GMEB2: variants seen among roughly 807,000 people sequenced by gnomAD.
The protein encoded by GMEB2 is glucocorticoid modulatory element binding protein 2.
GMEB2 carries 7 observed loss-of-function variants against 45.7 expected under a neutral mutation model. The ratio of observed to expected loss-of-function variants is 0.15; its 90% confidence interval spans 0.09 to 0.29. GMEB2 has a LOEUF of 0.29. Ranked by LOEUF, GMEB2 falls within the 10% of genes least tolerant of loss-of-function variation. GMEB2 has a pLI of 1.00. For missense variants in GMEB2, 582 were observed against 739.2 expected, an observed-to-expected ratio of 0.79 and a Z score of 2.47; for synonymous variants, 322 against 323.6, an observed-to-expected ratio of 1.00 and a Z score of 0.05.
chr20:63,619,219 C>G lies in GMEB2; in HGVS notation c.131+48G>C. 6.6e-7 allele frequency: 1 copy of G among 1,520,428 alleles called. No individual in the cohort carries two copies. The highest frequency in any genetic ancestry group is 8.8e-7 in the Non-Finnish European group (1 of 1,134,332). 94.2% of individuals were successfully genotyped at this position (1,520,428 alleles called of 1,614,324 possible). ...TAATGCCAGCTGTGCCAAGGACAGC[C>G]CAACCCAAGCCCCCATCAGCCCCAA... On this transcript the variant is annotated intron_variant, in intron 2 of 9. Coordinates refer to ENST00000370077, the MANE Select transcript of GMEB2 (RefSeq NM_012384.5). This position sits in a 1 kb window ranked among gnomAD's most constrained non-coding sequence, Gnocchi z 4.6.
chr20:63,625,798 G>C (rs943082369), intron 1 of GMEB2, among the ~76,000 whole-genome samples: 8 of 151,638 alleles, frequency 5.3e-5, no homozygotes, highest in Non-Finnish European at 1.2e-4. Context: ...GGGTTTCACC[G>C]TGTTAGCCAG....
intron 4 of GMEB2, among the ~76,000 whole-genome samples, chr20:63,599,230 A>ACGCGGCCCG (rs2083223756): frequency 1.3e-5 from 2 of 151,462 alleles, no homozygotes; most frequent in South Asian, 4.2e-4. Context: ...CCCGGAGCTA[A>ACGCGGCCCG]CTCGGCCCGC....
chr20:63,591,850 C>T (rs2083149699), intron 9 of GMEB2, among the ~76,000 whole-genome samples, 172 bp downstream of exon 9: 1 of 152,238 alleles, frequency 6.6e-6, no homozygotes, highest in Non-Finnish European at 1.5e-5. Flanking sequence ...GGTCTGACTA[C>T]CTCACTTAAG....
intron 4 of GMEB2, among the ~76,000 whole-genome samples, 195 bp downstream of exon 4, chr20:63,602,770 G>GC (rs1317861785): frequency 1.4e-5 from 2 of 144,676 alleles, no homozygotes; most frequent in Non-Finnish European, 3.1e-5. Flanking sequence ...CAGCGGGAGG[G>GC]CCTCCCAGCC....
chr20:63,610,008 T>C (rs924413626), intron 2 of GMEB2, among the ~76,000 whole-genome samples: 2 of 151,454 alleles, frequency 1.3e-5, no homozygotes, highest in Non-Finnish European at 2.9e-5. Context: ...CCTCCATTTC[T>C]AGAAATTAAT....
chr20:63,593,793 G>A lies in GMEB2; in HGVS notation c.620-711C>T, dbSNP rs540193816. ...TCCAGGCACTTTGGGAGACTGAGGC[G>A]GGTGGATCACCTAAGGTCAGGAGTT... On this transcript the variant is annotated intron_variant, in intron 6 of 9. Transcript: ENST00000370077. The surrounding 1 kb of genome is among the most constrained non-coding windows in gnomAD (Gnocchi z 4.7). 3.3e-5 allele frequency among the ~76,000 whole-genome samples: 5 copies of A among 152,298 alleles called. No individual in the cohort carries two copies. Among genetic ancestry groups the A allele is most frequent in the South Asian group, 2.1e-4 (1 of 4,832 alleles).
intron 2 of GMEB2, among the ~76,000 whole-genome samples, chr20:63,610,336 A>G (rs2089559634): frequency 6.6e-6 from 1 of 152,124 alleles, no homozygotes; most frequent in Non-Finnish European, 1.5e-5. Context: ...CCTGGCTAAC[A>G]CGGTGAAACC....
At chr20:63,620,166 T>C (rs942356976) in intron 1 of GMEB2, among the ~76,000 whole-genome samples, 4 of 152,240 alleles carry the variant, frequency 2.6e-5, no homozygotes, top group Non-Finnish European at 4.4e-5. Context: ...CCCAAAGTGC[T>C]GGGATTGCAG....
chr20:63,623,179 AT>A (rs1569060601), intron 1 of GMEB2, among the ~76,000 whole-genome samples: 3 of 152,154 alleles, frequency 2.0e-5, no homozygotes, highest in South Asian at 2.1e-4. Flanking sequence ...AGGAAAAAAA[AT>A]TTTTACAAAT....
Position 63,592,696 on chromosome 20 carries a change from G to C in GMEB2, c.692-26C>G. 2 of 1,606,998 alleles carry C rather than the reference G, an allele frequency of 1.2e-6. No individual in the cohort carries two copies. The highest frequency in any genetic ancestry group is 1.7e-6 in the Non-Finnish European group (2 of 1,174,748). ...CTGTGAGGGAAGGAGTGGGTTCAGT[G>C]GGCAGGGAAAGTGCTGCTACACGGG... On this transcript the variant is annotated intron_variant, in intron 7 of 9. Transcript: ENST00000370077. The surrounding 1 kb of genome is among the most constrained non-coding windows in gnomAD (Gnocchi z 8.2).
Position 63,619,378 on chromosome 20 carries a change from C to A in GMEB2, c.20G>T (p.Ser7Ile). 2.5e-6 allele frequency: 4 copies of A among 1,612,214 alleles called. No homozygotes were observed. The highest frequency in any genetic ancestry group is 3.4e-6 in the Non-Finnish European group (4 of 1,179,878). MATPDV[S>I]VHMEEVVVVT... is the part of the protein sequence containing the mutation. ...AACCACCACCTCCTCCATGTGCACA[C>A]TCACGTCGGGAGTCGCCATGGCTCA... is the stretch of plus-strand genomic sequence containing the variant. The change falls in exon 2 of 10, where the codon AGT (serine) becomes ATT (isoleucine). Residue 7 changes from serine (S) to isoleucine (I), a missense_variant. Physicochemically the swap from Ser to Ile is moderately radical, Grantham distance 142. Coordinates refer to ENST00000370077, the MANE Select transcript of GMEB2 (RefSeq NM_012384.5). This position sits in a 1 kb window ranked among gnomAD's most constrained non-coding sequence, Gnocchi z 4.6.
At chr20:63,599,529 C>T (rs891990572) in intron 4 of GMEB2, among the ~76,000 whole-genome samples, 1 of 152,220 alleles carries the variant, frequency 6.6e-6, no homozygotes, top group African/African-American at 2.4e-5. Context: ...TGTCGTCACT[C>T]GCCACACAGT....
chr20:63,601,803 T>C (rs2083243199), intron 4 of GMEB2, among the ~76,000 whole-genome samples: 1 of 151,870 alleles, frequency 6.6e-6, no homozygotes, highest in Non-Finnish European at 1.5e-5. Context: ...GTGGCTTCTG[T>C]GGGGCCTGTG....
At chr20:63,624,936 G>A (rs2089661066) in intron 1 of GMEB2, among the ~76,000 whole-genome samples, 1 of 152,040 alleles carries the variant, frequency 6.6e-6, no homozygotes, top group African/African-American at 2.4e-5. Context: ...TCGATCTCCT[G>A]ACCTCGTGAT....
At chr20:63,624,621 T>C (rs930209491) in intron 1 of GMEB2, among the ~76,000 whole-genome samples, 1 of 152,162 alleles carries the variant, frequency 6.6e-6, no homozygotes, top group African/African-American at 2.4e-5. Context: ...GCAGGGGTCC[T>C]CGTCACAGCT....
At chr20:63,621,331 C>T (rs2089641106) in intron 1 of GMEB2, among the ~76,000 whole-genome samples, 1 of 152,180 alleles carries the variant, frequency 6.6e-6, no homozygotes, top group African/African-American at 2.4e-5. Flanking sequence ...GCGGTGATGG[C>T]TGCACAATCA....
At chr20:63,614,233 C>T (rs1440801006) in intron 2 of GMEB2, among the ~76,000 whole-genome samples, 1 of 151,774 alleles carries the variant, frequency 6.6e-6, no homozygotes, top group Non-Finnish European at 1.5e-5. Context: ...CTCTTTATTC[C>T]AATATTATAA....
chr20:63,612,438 C>T (rs2089577775), intron 2 of GMEB2, among the ~76,000 whole-genome samples: 1 of 152,214 alleles, frequency 6.6e-6, no homozygotes, highest in Non-Finnish European at 1.5e-5. Context: ...CAAGAAGCCC[C>T]AGCCACACCC....
chr20:63,625,336 C>A (rs966049171), intron 1 of GMEB2, among the ~76,000 whole-genome samples: 22 of 151,930 alleles, frequency 1.4e-4, no homozygotes, highest in Admixed American at 2.6e-4. Flanking sequence ...ACACGCCTAG[C>A]TAATTTTTGC....
Sources: allele counts gnomAD v4.1 joint callset (sites outside exome capture counted in the v4.1 genomes callset), GRCh38; gene constraint gnomAD v4.1.1; non-coding constraint Gnocchi (gnomAD v3.1); transcripts MANE v1.5; gene names NCBI Gene and HGNC (gene_info 2026-07-23, HGNC 2026-07-21).